The following OGDH variants were observed in gnomAD, a reference collection of about 807,000 sequenced individuals.
OGDH encodes the protein oxoglutarate dehydrogenase.
OGDH carries 38 observed loss-of-function variants against 116.6 expected under a neutral mutation model. The observed-to-expected ratio is 0.33, with a 90% CI of 0.25 to 0.43. OGDH has a LOEUF of 0.43. Among genes scored for constraint, OGDH ranks in the 20% least tolerant of loss-of-function variants. OGDH has a pLI of 1.00. For missense variants in OGDH, 825 were observed against 1,357.2 expected, an observed-to-expected ratio of 0.61 and a Z score of 6.16; for synonymous variants, 488 against 533.3, an observed-to-expected ratio of 0.92 and a Z score of 1.17.
At chr7:44,670,088 A>G (rs1288470162) in intron 5 of OGDH, among the ~76,000 whole-genome samples, 1 of 152,118 alleles carries the variant, frequency 6.6e-6, no homozygotes, top group East Asian at 1.9e-4. Flanking sequence ...AGACAGGGCC[A>G]AGAACAGGAA....
At chr7:44,653,830 T>A (rs1308313855) in intron 4 of OGDH, among the ~76,000 whole-genome samples, 1 of 142,066 alleles carries the variant, frequency 7.0e-6, no homozygotes, top group Admixed American at 6.7e-5. Context: ...CTGGCCTAAT[T>A]AAATTTGTTT....
intron 1 of OGDH, among the ~76,000 whole-genome samples, chr7:44,612,428 G>A (rs1456875882): frequency 6.6e-6 from 1 of 151,986 alleles, no homozygotes; most frequent in African/African-American, 2.4e-5. Flanking sequence ...TGTTGCCCAG[G>A]CTGGAGTGCA....
chr7:44,649,719 C>T (rs374335450), intron 4 of OGDH, among the ~76,000 whole-genome samples: 74 of 152,248 alleles, frequency 4.9e-4, no homozygotes, highest in South Asian at 4.6e-3. Flanking sequence ...TAAACCCAAC[C>T]CAGCATAGTC....
At chr7:44,674,636 G>A in intron 7 of OGDH, 79 bp downstream of exon 7, 1 of 1,507,064 alleles carries the variant, frequency 6.6e-7, no homozygotes, top group Non-Finnish European at 9.1e-7. Context: ...AAGGCACTGA[G>A]AGAGCAGCTG....
At chr7:44,632,309 CT>C (rs1271651572) in intron 2 of OGDH, among the ~76,000 whole-genome samples, 2 of 152,070 alleles carry the variant, frequency 1.3e-5, no homozygotes, top group African/African-American at 4.8e-5. Context: ...TGGAGCTCTT[CT>C]TTTTGAGACA....
At chr7:44,624,217 T>A (rs1469831031) in intron 1 of OGDH, 100 bp from the exon 2 acceptor site, 3 of 789,622 alleles carry the variant, frequency 3.8e-6, no homozygotes, top group Admixed American at 5.4e-5. Flanking sequence ...TAAAAAAAAA[T>A]TATCCTTTCT....
chr7:44,693,844 C>G lies in OGDH; in HGVS notation c.1355C>G (p.Pro452Arg). The change falls in exon 11 of 23, where the codon CCT becomes CGT. Residue 452 changes from proline (P) to arginine (R), a missense_variant. Around this residue, in one of 7 missense-constraint regions of OGDH, gnomAD observed 146 missense variants for 317.3 expected, o/e 0.46. Transcript: ENST00000222673. ...TTGCAGATCGGCTTCACCACCGACC[C>G]TCGGATGGCCCGCTCCTCCCCCTAC... Reference protein sequence around the residue: ...VNNQIGFTTDPRMARSSPYPT... With the variant: ...VNNQIGFTTDRRMARSSPYPT... 6.2e-7 allele frequency: 1 copy of G among 1,601,170 alleles called. No homozygotes were observed. The highest frequency in any genetic ancestry group is 8.5e-7 in the Non-Finnish European group (1 of 1,170,518).
At chr7:44,696,804 C>A (rs1479033108) in intron 14 of OGDH, 110 bp from the exon 15 acceptor site, 7 of 1,383,764 alleles carry the variant, frequency 5.1e-6, no homozygotes, top group Non-Finnish European at 6.8e-6. Context: ...GTCAGGAACC[C>A]AGAAACTACG....
rs1376150824 is a variant in OGDH, at chr7:44,697,370, C to T, written c.2052C>T (p.Ser684=). ...TATTACCTCTGTTGTCCTGTCTCAG[C>T]CACCGCCACCATGTGCTCCATGACC... The part of the protein sequence containing the change: ...SGQDVERGTF[S]HRHHVLHDQN... Residue 684 remains serine, a splice_region_variant and synonymous_variant, in exon 16 of 23, where the codon AGC becomes AGT. Coordinates refer to ENST00000222673, the MANE Select transcript of OGDH (RefSeq NM_002541.4). The surrounding 1 kb of genome is among the most constrained non-coding windows in gnomAD (Gnocchi z 6.0). 2.4e-5 allele frequency: 38 copies of T among 1,614,050 alleles called. No individual in the cohort carries two copies. The highest frequency in any genetic ancestry group is 3.1e-5 in the Non-Finnish European group (37 of 1,180,030).
At chr7:44,664,022 TTGA>T (rs1462058692) in intron 4 of OGDH, among the ~76,000 whole-genome samples, 1 of 152,218 alleles carries the variant, frequency 6.6e-6, no homozygotes, top group African/African-American at 2.4e-5. Context: ...CATCATGGTG[TTGA>T]TGTCTGTTGA....
At chr7:44,611,233 G>T (rs1343170086) in intron 1 of OGDH, among the ~76,000 whole-genome samples, 1 of 151,770 alleles carries the variant, frequency 6.6e-6, no homozygotes. Flanking sequence ...ACCGGAGTCT[G>T]CACCATGCCT....
intron 4 of OGDH, among the ~76,000 whole-genome samples, chr7:44,660,922 CT>C (rs1786908685): frequency 6.6e-6 from 1 of 151,896 alleles, no homozygotes; most frequent in Admixed American, 6.6e-5. Context: ...TATCTGTAAA[CT>C]ACACACACAC....
intron 2 of OGDH, among the ~76,000 whole-genome samples, chr7:44,629,153 G>A (rs1243853719): frequency 6.6e-6 from 1 of 152,216 alleles, no homozygotes; most frequent in Non-Finnish European, 1.5e-5. Flanking sequence ...CCTTGTTAAT[G>A]TTTAAGACAA....
intron 1 of OGDH, among the ~76,000 whole-genome samples, chr7:44,614,200 C>T (rs1190826650): frequency 6.6e-6 from 1 of 151,374 alleles, no homozygotes; most frequent in Admixed American, 6.6e-5. Flanking sequence ...TATCCTTTCA[C>T]CTCAGCCTCC....
chr7:44,612,427 G>A (rs1784600858), intron 1 of OGDH, among the ~76,000 whole-genome samples: 1 of 151,884 alleles, frequency 6.6e-6, no homozygotes, highest in South Asian at 2.1e-4. Context: ...CTGTTGCCCA[G>A]GCTGGAGTGC....
In OGDH at chr7:44,641,874, A is replaced by G. The variant is rs142876861; in HGVS notation, c.223-3453A>G. Among the ~76,000 whole-genome samples the G allele has an allele frequency of 8.5e-5, 13 of 152,314 alleles. No homozygotes were observed. In the East Asian group the frequency reaches 2.5e-3, roughly 29 times the overall value. On this transcript the variant is annotated intron_variant, in intron 2 of 22. Coordinates refer to ENST00000222673, the MANE Select transcript of OGDH (RefSeq NM_002541.4). The stretch of plus-strand genomic sequence containing the variant: ...CACCTTTTAGATCCCTGTGTCCTTG[A>G]CAGAACCAGTCATGGACTGAGTGGG...
intron 4 of OGDH, among the ~76,000 whole-genome samples, chr7:44,662,221 T>G (rs1358520507): frequency 6.6e-6 from 1 of 152,174 alleles, no homozygotes; most frequent in Non-Finnish European, 1.5e-5. Context: ...TTCTTCCATC[T>G]TGGTGTTCCA....
At chr7:44,632,722 G>A (rs1785496180) in intron 2 of OGDH, among the ~76,000 whole-genome samples, 1 of 152,002 alleles carries the variant, frequency 6.6e-6, no homozygotes, top group South Asian at 2.1e-4. Flanking sequence ...GGGTTCAAGT[G>A]ATTCACCTGC....
intron 2 of OGDH, among the ~76,000 whole-genome samples, chr7:44,631,089 G>A (rs1785421242): frequency 6.6e-6 from 1 of 152,098 alleles, no homozygotes; most frequent in Admixed American, 6.6e-5. Context: ...CGGGGGTTGG[G>A]GATCCCTGGT....
Sources: allele counts gnomAD v4.1 joint callset (sites outside exome capture counted in the v4.1 genomes callset), GRCh38; gene constraint gnomAD v4.1.1; regional missense constraint gnomAD v4.1.1; non-coding constraint Gnocchi (gnomAD v3.1); transcripts MANE v1.5; gene names NCBI Gene and HGNC (gene_info 2026-07-23, HGNC 2026-07-21).